ROBO2: variants seen among roughly 807,000 people sequenced by gnomAD.
ROBO2 encodes the protein roundabout homolog 2.
Under a neutral mutation model 160.8 loss-of-function variants are expected in ROBO2, and 53 were observed. That is an observed-to-expected ratio of 0.33 (90% confidence interval 0.26 to 0.41). ROBO2 has a LOEUF of 0.41. Among genes scored for constraint, ROBO2 ranks in the 10% least tolerant of loss-of-function variants. ROBO2 has a pLI of 1.00. For synonymous variants in ROBO2, 664 were observed against 611.7 expected, an observed-to-expected ratio of 1.09 and a Z score of -1.26; for missense variants, 1,577 against 1,722.4, an observed-to-expected ratio of 0.92 and a Z score of 1.49.
At chr3:77,410,393 A>G (rs2076607108) in intron 2 of ROBO2, among the ~76,000 whole-genome samples, 1 of 152,062 alleles carries the variant, frequency 6.6e-6, no homozygotes, top group African/African-American at 2.4e-5. Flanking sequence ...TATTGCTTCT[A>G]GTATGGGCTG....
At chr3:77,427,994 A>C (rs185226057) in intron 2 of ROBO2, among the ~76,000 whole-genome samples, 4 of 152,220 alleles carry the variant, frequency 2.6e-5, no homozygotes, top group Admixed American at 2.6e-4. Flanking sequence ...TTCATTAAAA[A>C]TGTGGCATTT....
At chr3:77,614,962 G>T (rs183808456) in intron 21 of ROBO2, among the ~76,000 whole-genome samples, 21 of 151,932 alleles carry the variant, frequency 1.4e-4, no homozygotes, top group Admixed American at 1.3e-4. Context: ...TCTTCCTCCG[G>T]GCTTCCACAC....
At chr3:77,299,860 A>G (rs949506527) in intron 2 of ROBO2, among the ~76,000 whole-genome samples, 1 of 152,126 alleles carries the variant, frequency 6.6e-6, no homozygotes, top group Non-Finnish European at 1.5e-5. Context: ...CAACTGGATA[A>G]AAGTAAGAGA....
chr3:77,171,549 T>G (rs2079634529), intron 2 of ROBO2, among the ~76,000 whole-genome samples: 1 of 152,248 alleles, frequency 6.6e-6, no homozygotes, highest in African/African-American at 2.4e-5. Flanking sequence ...AATAGTTATA[T>G]TTGTGGTATG....
chr3:77,265,155 C>T (rs1306057947), intron 2 of ROBO2, among the ~76,000 whole-genome samples: 2 of 152,128 alleles, frequency 1.3e-5, no homozygotes, highest in Non-Finnish European at 2.9e-5. Context: ...TCCTTACATC[C>T]CTATGACATA....
At chr3:77,343,496 G>T (rs1469754205) in intron 2 of ROBO2, among the ~76,000 whole-genome samples, 4 of 152,108 alleles carry the variant, frequency 2.6e-5, no homozygotes, top group Non-Finnish European at 5.9e-5. Context: ...AATCGCTCAT[G>T]AACCCACTTA....
chr3:77,158,440 T>C (rs2078204208), intron 2 of ROBO2, among the ~76,000 whole-genome samples: 1 of 152,096 alleles, frequency 6.6e-6, no homozygotes, highest in African/African-American at 2.4e-5. Flanking sequence ...TTAATACATG[T>C]AACTGGGGAT....
intron 2 of ROBO2, among the ~76,000 whole-genome samples, chr3:76,256,008 C>G (rs1706336019): frequency 1.3e-5 from 2 of 152,006 alleles, no homozygotes; most frequent in African/African-American, 4.8e-5. Flanking sequence ...ATGAAAAAGA[C>G]TTACCCTGAG....
chr3:76,799,700 A>G (rs888838445), intron 2 of ROBO2, among the ~76,000 whole-genome samples: 2 of 152,186 alleles, frequency 1.3e-5, no homozygotes, highest in African/African-American at 4.8e-5. Flanking sequence ...AGTATAAAAT[A>G]TTTAGGCAAG....
At chr3:76,000,612 C>A (rs1346755742) in intron 2 of ROBO2, among the ~76,000 whole-genome samples, 4 of 151,760 alleles carry the variant, frequency 2.6e-5, no homozygotes, top group Non-Finnish European at 1.5e-5. Context: ...CCTCAGCCTC[C>A]CGAGTAGCTG....
At chr3:76,414,713 A>C (rs1410181082) in intron 2 of ROBO2, among the ~76,000 whole-genome samples, 1 of 151,208 alleles carries the variant, frequency 6.6e-6, no homozygotes, top group Non-Finnish European at 1.5e-5. Context: ...ACATGTATAC[A>C]TATGTAACTA....
At chr3:77,111,684 G>A (rs1333036624) in intron 2 of ROBO2, among the ~76,000 whole-genome samples, 1 of 151,888 alleles carries the variant, frequency 6.6e-6, no homozygotes, top group African/African-American at 2.4e-5. Context: ...TCTTTTTTAG[G>A]GGAAGGGAAA....
chr3:77,539,245 T>A (rs2092340651), intron 6 of ROBO2, among the ~76,000 whole-genome samples: 1 of 152,154 alleles, frequency 6.6e-6, no homozygotes, highest in South Asian at 2.1e-4. Context: ...TTAAAACCCA[T>A]TGTTACACAA....
At chr3:77,147,470 G>C (rs1224801778) in intron 2 of ROBO2, among the ~76,000 whole-genome samples, 1 of 152,078 alleles carries the variant, frequency 6.6e-6, no homozygotes, top group Non-Finnish European at 1.5e-5. Context: ...GTCTCCAAAA[G>C]ATACAATACT....
intron 2 of ROBO2, among the ~76,000 whole-genome samples, chr3:76,837,785 C>A (rs1048871738): frequency 1.3e-5 from 2 of 151,876 alleles, no homozygotes; most frequent in Admixed American, 6.6e-5. Flanking sequence ...ATTCAGGATA[C>A]GTAACATTTG....
intron 2 of ROBO2, among the ~76,000 whole-genome samples, chr3:76,754,428 A>G (rs1392699948): frequency 6.6e-6 from 1 of 151,826 alleles, no homozygotes; most frequent in African/African-American, 2.4e-5. Context: ...ACCCCTTCAT[A>G]ATTCCTAAAC....
chr3:77,157,117 A>G lies in ROBO2; in HGVS notation c.388+58777A>G, dbSNP rs143080025. 2.9e-3 allele frequency among the ~76,000 whole-genome samples: 448 copies of G among 152,228 alleles called. 12 individuals carry two copies. Among genetic ancestry groups the G allele is most frequent in the Admixed American group, 0.026 (394 of 15,266 alleles). ...GATGAGTTTGATACACACTAAATGT[A>G]GAAAACCATATTGTTATACCACTGA... On this transcript the variant is annotated intron_variant, in intron 2 of 25. Coordinates refer to ENST00000461745, the Ensembl canonical transcript of ROBO2.
chr3:77,226,966 A>C (rs2086577453), intron 2 of ROBO2, among the ~76,000 whole-genome samples: 1 of 152,144 alleles, frequency 6.6e-6, no homozygotes, highest in Admixed American at 6.5e-5. Flanking sequence ...GACCAACTTC[A>C]TTTTTCTTTA....
intron 2 of ROBO2, among the ~76,000 whole-genome samples, chr3:76,128,121 C>T (rs543164726): frequency 6.6e-6 from 1 of 152,046 alleles, no homozygotes; most frequent in African/African-American, 2.4e-5. Flanking sequence ...GTCTTGAACT[C>T]CTGACCTCGT....
Sources: allele counts gnomAD v4.1 joint callset (sites outside exome capture counted in the v4.1 genomes callset), GRCh38; gene constraint gnomAD v4.1.1; transcripts MANE v1.5; gene names NCBI Gene and HGNC (gene_info 2026-07-23, HGNC 2026-07-21).